Variants in HYDIN observed in about 807,000 individuals in gnomAD.
The protein encoded by HYDIN is HYDIN axonemal central pair apparatus protein.
In HYDIN, 132 loss-of-function variants were observed where a neutral mutation model predicts 403.9. The ratio of observed to expected loss-of-function variants is 0.33; its 90% confidence interval spans 0.28 to 0.38. The LOEUF (loss-of-function observed/expected upper bound fraction) is 0.38. HYDIN is among the 10% of genes least tolerant of loss of function. HYDIN has a pLI of 1.00. For synonymous variants in HYDIN, 1,202 were observed against 1,891.7 expected, an observed-to-expected ratio of 0.64 and a Z score of 9.46; for missense variants, 2,827 against 5,009.5, an observed-to-expected ratio of 0.56 and a Z score of 13.15.
chr16:71,218,744 C>A (rs2089028812), intron 1 of HYDIN, among the ~76,000 whole-genome samples: 1 of 152,110 alleles, frequency 6.6e-6, no homozygotes, highest in African/African-American at 2.4e-5. Context: ...AATTAGTATT[C>A]TTAGAGTACA....
chr16:71,018,669 T>C (rs1261089176), intron 22 of HYDIN, among the ~76,000 whole-genome samples: 1 of 151,430 alleles, frequency 6.6e-6, no homozygotes, highest in African/African-American at 2.4e-5. Flanking sequence ...TAGACACTTA[T>C]GTATATGGAT....
chr16:70,830,954 ATTG>A (rs1368937611), intron 80 of HYDIN, among the ~76,000 whole-genome samples: 3 of 151,662 alleles, frequency 2.0e-5, no homozygotes, highest in Non-Finnish European at 4.4e-5. Flanking sequence ...TAGCAATTTC[ATTG>A]TTGTTATTAC....
At chr16:71,178,470 C>A (rs1005472825) in intron 4 of HYDIN, among the ~76,000 whole-genome samples, 4 of 145,876 alleles carry the variant, frequency 2.7e-5, no homozygotes, top group Non-Finnish European at 6.0e-5. Context: ...TATATACACA[C>A]ACACATACAT....
intron 4 of HYDIN, chr16:71,175,997 T>C: frequency 2.1e-6 from 1 of 466,666 alleles, no homozygotes; most frequent in South Asian, 2.3e-5. Flanking sequence ...TTGTTCATTT[T>C]AAAATTAAAT....
intron 1 of HYDIN, chr16:71,203,788 A>C (rs1267985323): frequency 2.2e-6 from 1 of 455,928 alleles, no homozygotes; most frequent in East Asian, 6.9e-5. Flanking sequence ...GTGTGAGTCC[A>C]GAACAGATAA....
At chr16:71,206,095 C>T (rs1339767942) in intron 1 of HYDIN, among the ~76,000 whole-genome samples, 1 of 152,222 alleles carries the variant, frequency 6.6e-6, no homozygotes, top group Non-Finnish European at 1.5e-5. Flanking sequence ...AGGCCCATAG[C>T]CAGATGGGCC....
At chr16:71,051,668 A>AAAC (rs1295410639) in intron 18 of HYDIN, among the ~76,000 whole-genome samples, 7 of 112,304 alleles carry the variant, frequency 6.2e-5, no homozygotes, top group African/African-American at 2.2e-4. Flanking sequence ...AACAAAAAAA[A>AAAC]CAAAAAAAAG....
intron 23 of HYDIN, among the ~76,000 whole-genome samples, chr16:71,015,156 C>G (rs374783252): frequency 1.0e-4 from 15 of 149,940 alleles, no homozygotes; most frequent in African/African-American, 3.7e-4. Context: ...GCTGATTCCT[C>G]AATATGTGGC....
intron 52 of HYDIN, among the ~76,000 whole-genome samples, chr16:70,901,584 CTTTT>C (rs77192535): frequency 2.4e-4 from 30 of 123,276 alleles, no homozygotes; most frequent in Non-Finnish European, 3.2e-4. Context: ...TATTTTCTTT[CTTTT>C]TTTTTTTTTT....
At position 70,804,917 on chromosome 16, in the gene HYDIN, C is replaced by T. The variant is rs2035042552; in HGVS notation, c.*2663G>A. Among the ~76,000 whole-genome samples, 1 of 152,234 alleles carries T rather than the reference C, an allele frequency of 6.6e-6. No homozygotes were observed. Among genetic ancestry groups the T allele is most frequent in the Admixed American group, 6.5e-5 (1 of 15,294 alleles). ...AAGTTGGGGGAGTTGCCCCTAGCCA[C>T]CCCAAGGCTGGCTATAAGCCATGCT... On this transcript the variant is annotated 3_prime_UTR_variant, in exon 86 of 86. Coordinates refer to ENST00000393567, the MANE Select transcript of HYDIN (RefSeq NM_001270974.2).
At chr16:70,928,446 C>T (rs1187214676) in intron 45 of HYDIN, among the ~76,000 whole-genome samples, 2 of 152,142 alleles carry the variant, frequency 1.3e-5, no homozygotes, top group Non-Finnish European at 2.9e-5. Flanking sequence ...GTGATGGAGT[C>T]AGACCCTGCC....
At chr16:71,161,572 A>G (rs1414308130) in intron 6 of HYDIN, among the ~76,000 whole-genome samples, 1 of 152,150 alleles carries the variant, frequency 6.6e-6, no homozygotes, top group African/African-American at 2.4e-5. Flanking sequence ...CTCATCCTCC[A>G]AAGCCAGCAA....
chr16:70,983,984 A>C (rs1362471317), intron 28 of HYDIN, among the ~76,000 whole-genome samples: 2 of 152,108 alleles, frequency 1.3e-5, no homozygotes, highest in African/African-American at 4.8e-5. Flanking sequence ...AGGCAAATGA[A>C]TAGTCTTACA....
In HYDIN at chr16:70,895,871, C is replaced by T. The variant is rs1035132015; in HGVS notation, c.9148+110G>A. On this transcript the variant is annotated intron_variant, in intron 54 of 85. Transcript: ENST00000393567. The stretch of plus-strand genomic sequence containing the variant: ...ACATTATTATTTATTAAAATTGCCC[C>T]ATGCCCAATCCCTGCAATACTAACA... 7 of 1,435,016 alleles carry T rather than the reference C, an allele frequency of 4.9e-6. No individual in the cohort carries two copies. In the Admixed American group the frequency reaches 1.7e-4, roughly 35 times the overall value. The allele number at this position is 1,435,016 out of a possible 1,614,324, so 88.9% of individuals were successfully genotyped here. A position where few individuals can be genotyped will look rare whatever the true frequency, so the allele number is the denominator to read the frequency against.
intron 52 of HYDIN, among the ~76,000 whole-genome samples, chr16:70,902,821 A>ATATTTTT: frequency 2.1e-5 from 1 of 47,314 alleles, no homozygotes; most frequent in African/African-American, 1.2e-4. Flanking sequence ...ATATATATAT[A>ATATTTTT]TTTTTTTTTT....
chr16:71,172,452 G>GC (rs1268581791), intron 5 of HYDIN, among the ~76,000 whole-genome samples: 1 of 152,150 alleles, frequency 6.6e-6, no homozygotes, highest in African/African-American at 2.4e-5. Flanking sequence ...GATGACACTG[G>GC]CTATCACATT....
chr16:70,980,952 C>T (rs1345094635), intron 29 of HYDIN, among the ~76,000 whole-genome samples: 1 of 151,896 alleles, frequency 6.6e-6, no homozygotes, highest in African/African-American at 2.4e-5. Context: ...CTGTGTAATG[C>T]CAAAATAAGG....
chr16:71,033,743 T>C lies in HYDIN; in HGVS notation c.2530-1826A>G, dbSNP rs540139038. Among the ~76,000 whole-genome samples, 16 of 152,266 alleles carry C rather than the reference T, an allele frequency of 1.1e-4. 1 individual carries two copies. The East Asian group carries it at 2.9e-3, about 28-fold the overall frequency. On this transcript the variant is annotated intron_variant, in intron 18 of 85. Coordinates refer to ENST00000393567, the MANE Select transcript of HYDIN (RefSeq NM_001270974.2). ...AACTACCATGGCACACGTTTACCTA[T>C]GCAACAAACCTGCACATCCTGCACA...
chr16:71,175,297 C>T (rs1377151980), intron 5 of HYDIN, among the ~76,000 whole-genome samples: 1 of 152,020 alleles, frequency 6.6e-6, no homozygotes, highest in African/African-American at 2.4e-5. Context: ...ACCAACACTA[C>T]TAATAGTAAC....
Sources: gnomAD v4.1 joint callset for allele counts (sites outside exome capture counted in the v4.1 genomes callset) on GRCh38, gnomAD v4.1.1 for gene constraint, MANE v1.5 for transcripts, NCBI Gene and HGNC (gene_info 2026-07-23, HGNC 2026-07-21) for gene names.